The following HS3ST4 variants were observed in gnomAD, a reference collection of about 807,000 sequenced individuals.
HS3ST4 encodes heparan sulfate glucosamine 3-O-sulfotransferase 4.
A neutral mutation model predicts 29.2 loss-of-function variants in HS3ST4; 17 were observed. That is an observed-to-expected ratio of 0.58 (90% CI 0.40 to 0.87). HS3ST4 has a LOEUF of 0.87. Ranked by LOEUF, HS3ST4 falls within the 40% of genes least tolerant of loss-of-function variation. The pLI, the probability that HS3ST4 is intolerant of heterozygous loss-of-function variation, is 0.00. For synonymous variants in HS3ST4, 314 were observed against 285.7 expected, an observed-to-expected ratio of 1.10 and a Z score of -1.00; for missense variants, 627 against 634.5, an observed-to-expected ratio of 0.99 and a Z score of 0.13.
At chr16:25,876,126 C>T (rs534335762) in intron 1 of HS3ST4, among the ~76,000 whole-genome samples, 1 of 152,244 alleles carries the variant, frequency 6.6e-6, no homozygotes, top group South Asian at 2.1e-4. Flanking sequence ...CATTCATTTC[C>T]CACTCATCAA....
chr16:26,007,863 C>G (rs1429297753), intron 1 of HS3ST4, among the ~76,000 whole-genome samples: 1 of 151,948 alleles, frequency 6.6e-6, no homozygotes, highest in Non-Finnish European at 1.5e-5. Flanking sequence ...TATCCCCCTA[C>G]AATCCAAGGA....
chr16:25,965,399 CAA>C (rs5816338), intron 1 of HS3ST4, among the ~76,000 whole-genome samples: 1,963 of 129,186 alleles, frequency 0.015, 27 homozygotes, highest in African/African-American at 0.045. Context: ...AATTTCTTGT[CAA>C]AAAAAAAAAA....
At chr16:26,124,448 C>G (rs1899316345) in intron 1 of HS3ST4, among the ~76,000 whole-genome samples, 1 of 151,890 alleles carries the variant, frequency 6.6e-6, no homozygotes, top group African/African-American at 2.4e-5. Context: ...ATATAAAATA[C>G]AAATTTTTAA....
At position 25,946,586 on chromosome 16, in the gene HS3ST4, G is replaced by C. The variant is rs186847683; in HGVS notation, c.735-189026G>C. On this transcript the variant is annotated intron_variant, in intron 1 of 1. Transcript: ENST00000331351. ...CAAATGCTGTGGATACAAAGACAAG[G>C]GGGAAAAAAGACCCTGTGGCTGCTC... Among the ~76,000 whole-genome samples the C allele has an allele frequency of 1.8e-4, 28 of 152,294 alleles. No individual in the cohort carries two copies. In the East Asian group the frequency reaches 5.0e-3, roughly 27 times the overall value.
intron 1 of HS3ST4, among the ~76,000 whole-genome samples, chr16:25,944,079 C>T (rs1374429460): frequency 1.3e-5 from 2 of 152,018 alleles, no homozygotes; most frequent in Admixed American, 1.3e-4. Flanking sequence ...CTCTCTTGTC[C>T]CTAGTTGCTG....
chr16:26,053,130 T>C (rs1898366063), intron 1 of HS3ST4, among the ~76,000 whole-genome samples: 1 of 152,178 alleles, frequency 6.6e-6, no homozygotes, highest in African/African-American at 2.4e-5. Context: ...TAAAAGATAT[T>C]CTCCCGAGAT....
chr16:25,881,073 G>T lies in HS3ST4; in HGVS notation c.734+187922G>T, dbSNP rs112330097. Among the ~76,000 whole-genome samples the T allele has an allele frequency of 2.8e-3, 433 of 152,254 alleles. 3 individuals carry two copies. Among genetic ancestry groups the T allele is most frequent in the African/African-American group, 9.9e-3 (412 of 41,548 alleles). On this transcript the variant is annotated intron_variant, in intron 1 of 1. Coordinates refer to ENST00000331351, the MANE Select transcript of HS3ST4 (RefSeq NM_006040.3). ...GCAGGAGTAAAACAATGGTGATAAT[G>T]CCTTTTCAACAATCATTGAAGAACA...
At chr16:26,097,937 A>G (rs1898947730) in intron 1 of HS3ST4, among the ~76,000 whole-genome samples, 1 of 152,214 alleles carries the variant, frequency 6.6e-6, no homozygotes, top group Admixed American at 6.5e-5. Context: ...ATGAACAGAC[A>G]CTTCTCAAAA....
intron 1 of HS3ST4, among the ~76,000 whole-genome samples, chr16:26,090,348 G>A (rs1898841915): frequency 6.6e-6 from 1 of 150,748 alleles, no homozygotes; most frequent in South Asian, 2.1e-4. Context: ...TCTGCCAGAA[G>A]TCACTAATCA....
At chr16:25,838,275 G>C (rs1392942054) in intron 1 of HS3ST4, among the ~76,000 whole-genome samples, 1 of 152,146 alleles carries the variant, frequency 6.6e-6, no homozygotes, top group Non-Finnish European at 1.5e-5. Context: ...TACAGTGCAG[G>C]CTTCTTCTTA....
At chr16:26,122,937 C>G (rs978772420) in intron 1 of HS3ST4, among the ~76,000 whole-genome samples, 3 of 151,984 alleles carry the variant, frequency 2.0e-5, no homozygotes, top group African/African-American at 7.2e-5. Flanking sequence ...GCTTGTAATT[C>G]CAGCTACTCG....
chr16:26,122,915 G>T (rs531969359), intron 1 of HS3ST4, among the ~76,000 whole-genome samples: 1 of 152,076 alleles, frequency 6.6e-6, no homozygotes, highest in African/African-American at 2.4e-5. Context: ...TCAGCTGGGC[G>T]TGGTGGCGGG....
At chr16:26,023,881 C>G (rs1186296156) in intron 1 of HS3ST4, among the ~76,000 whole-genome samples, 1 of 152,176 alleles carries the variant, frequency 6.6e-6, no homozygotes, top group East Asian at 1.9e-4. Context: ...GAGATTGAGT[C>G]TCAGTGTCCT....
Position 26,077,166 on chromosome 16 carries a change from T to C in HS3ST4, c.735-58446T>C, listed in dbSNP as rs547848883. Among the ~76,000 whole-genome samples, 26 of 152,332 alleles carry C rather than the reference T, an allele frequency of 1.7e-4. No individual in the cohort carries two copies. The South Asian group carries it at 5.2e-3, about 30-fold the overall frequency. On this transcript the variant is annotated intron_variant, in intron 1 of 1. Coordinates refer to ENST00000331351, the MANE Select transcript of HS3ST4 (RefSeq NM_006040.3). ...GTTCACTGGGCCACCTCAGTCTCTT[T>C]GCATCATGGTGGTCCTGGGGTTCCA...
intron 1 of HS3ST4, among the ~76,000 whole-genome samples, chr16:25,943,636 C>G (rs1968596531): frequency 6.6e-6 from 1 of 152,118 alleles, no homozygotes; most frequent in Admixed American, 6.5e-5. Flanking sequence ...GGGTGGATGG[C>G]TGAATAGAAT....
At chr16:26,091,315 T>C (rs982925810) in intron 1 of HS3ST4, among the ~76,000 whole-genome samples, 1 of 152,210 alleles carries the variant, frequency 6.6e-6, no homozygotes, top group South Asian at 2.1e-4. Flanking sequence ...GTTGGATAGA[T>C]TAATCAATAG....
At chr16:26,098,151 T>C (rs1484820244) in intron 1 of HS3ST4, among the ~76,000 whole-genome samples, 8 of 152,142 alleles carry the variant, frequency 5.3e-5, no homozygotes, top group African/African-American at 9.7e-5. Flanking sequence ...GTAAATTAGT[T>C]CAACCATTGT....
intron 1 of HS3ST4, among the ~76,000 whole-genome samples, chr16:25,937,528 T>C (rs2141690499): frequency 6.6e-6 from 1 of 152,254 alleles, no homozygotes; most frequent in East Asian, 1.9e-4. Flanking sequence ...AAGCCTGTGC[T>C]CAGAAGTGTA....
chr16:25,941,706 A>G (rs943731631), intron 1 of HS3ST4, among the ~76,000 whole-genome samples: 2 of 152,006 alleles, frequency 1.3e-5, no homozygotes, highest in African/African-American at 4.8e-5. Flanking sequence ...CCTCCTGAGT[A>G]GCTCAGATTA....
Sources: allele counts gnomAD v4.1 joint callset (sites outside exome capture counted in the v4.1 genomes callset), GRCh38; gene constraint gnomAD v4.1.1; transcripts MANE v1.5; gene names NCBI Gene and HGNC (gene_info 2026-07-23, HGNC 2026-07-21).